The following CSMD1 variants were observed in gnomAD, a reference collection of about 807,000 sequenced individuals.
CSMD1 encodes CUB and sushi domain-containing protein 1.
In CSMD1, 213 loss-of-function variants were observed where a neutral mutation model predicts 417.5. The ratio of observed to expected loss-of-function variants is 0.51; its 90% CI spans 0.46 to 0.57. The LOEUF (loss-of-function observed/expected upper bound fraction) is 0.57. CSMD1 is among the 20% of genes least tolerant of loss of function. The pLI, the probability that CSMD1 is intolerant of heterozygous loss-of-function variation, is 0.00. For missense variants in CSMD1, 6,923 were observed against 4,529.7 expected (o/e 1.53, Z -15.17); for synonymous variants, 2,862 against 1,736.8 (o/e 1.65, Z -16.11).
chr8:4,931,755 G>C (rs117125163), intron 1 of CSMD1, among the ~76,000 whole-genome samples: 21 of 152,202 alleles, frequency 1.4e-4, no homozygotes, highest in Non-Finnish European at 2.2e-4. Context: ...GCAATTTGGA[G>C]AGAATGGCTA....
intron 21 of CSMD1, among the ~76,000 whole-genome samples, chr8:3,354,833 A>C (rs1235730617): frequency 2.0e-5 from 2 of 97,652 alleles, no homozygotes; most frequent in Non-Finnish European, 4.3e-5. Flanking sequence ...ATAGATACAT[A>C]TATAGATACA....
chr8:4,553,101 G>T (rs79350315), intron 2 of CSMD1, among the ~76,000 whole-genome samples: 1 of 152,158 alleles, frequency 6.6e-6, no homozygotes, highest in Non-Finnish European at 1.5e-5. Flanking sequence ...TTCTTTCAAA[G>T]ATAGTTTTCG....
intron 2 of CSMD1, among the ~76,000 whole-genome samples, chr8:4,448,272 A>G (rs1798934158): frequency 1.3e-5 from 2 of 152,200 alleles, no homozygotes; most frequent in Non-Finnish European, 2.9e-5. Flanking sequence ...GCATTTCCAA[A>G]TATAGTTATA....
chr8:4,092,024 G>C (rs1800748971), intron 3 of CSMD1, among the ~76,000 whole-genome samples: 2 of 152,092 alleles, frequency 1.3e-5, no homozygotes, highest in African/African-American at 2.4e-5. Context: ...ATATTACGTA[G>C]CACATATCAC....
intron 3 of CSMD1, among the ~76,000 whole-genome samples, chr8:4,238,275 A>G (rs1802185378): frequency 6.6e-6 from 1 of 152,174 alleles, no homozygotes; most frequent in Non-Finnish European, 1.5e-5. Context: ...TAGGGACTAG[A>G]GACATGAATG....
At chr8:3,081,866 T>C (rs1814126841) in intron 49 of CSMD1, among the ~76,000 whole-genome samples, 1 of 152,198 alleles carries the variant, frequency 6.6e-6, no homozygotes, top group African/African-American at 2.4e-5. Flanking sequence ...TTTTTAAAAC[T>C]CCATCTTTTC....
intron 3 of CSMD1, among the ~76,000 whole-genome samples, chr8:4,253,727 T>A (rs907817853): frequency 1.3e-5 from 2 of 151,242 alleles, no homozygotes; most frequent in Admixed American, 6.6e-5. Context: ...ACTACACACA[T>A]CAATTTTCTG....
chr8:4,751,299 C>T (rs989600984), intron 1 of CSMD1, among the ~76,000 whole-genome samples: 2 of 151,902 alleles, frequency 1.3e-5, no homozygotes, highest in African/African-American at 2.4e-5. Context: ...GCAGGAGAAT[C>T]GCTTGAACCC....
In CSMD1 at chr8:3,384,735, TATATAAA is replaced by T. The variant is rs1563333103; in HGVS notation, c.2782+2752_2782+2758del. Among the ~76,000 whole-genome samples the T allele has an allele frequency of 8.3e-4, 102 of 123,504 alleles. No individual in the cohort carries two copies. The South Asian group carries it at 0.013, about 16-fold the overall frequency. 81.0% of individuals were successfully genotyped at this position (123,504 alleles called of 152,430 possible). ...ATATATTTATAATATTTATATATAT[TATATAAA>T]TATATATTTATATAAATTATATAAA... On this transcript the variant is annotated intron_variant, in intron 18 of 69. Coordinates refer to ENST00000635120, the MANE Select transcript of CSMD1 (RefSeq NM_033225.6).
chr8:2,988,173 C>T (rs116103915), intron 54 of CSMD1, among the ~76,000 whole-genome samples: 259 of 152,138 alleles, frequency 1.7e-3, no homozygotes, highest in African/African-American at 6.0e-3. Context: ...TTTAGTACAA[C>T]TAAACCCATA....
At chr8:3,033,834 C>T (rs1334473047) in intron 50 of CSMD1, among the ~76,000 whole-genome samples, 3 of 152,162 alleles carry the variant, frequency 2.0e-5, no homozygotes, top group Admixed American at 6.5e-5. Flanking sequence ...TACCTTTACA[C>T]CTTGAATTCC....
At chr8:4,346,487 G>A (rs190858276) in intron 3 of CSMD1, among the ~76,000 whole-genome samples, 123 of 152,192 alleles carry the variant, frequency 8.1e-4, no homozygotes, top group Non-Finnish European at 1.3e-3. Context: ...TCCCTGCTCT[G>A]ATAGCCTCAT....
intron 1 of CSMD1, among the ~76,000 whole-genome samples, chr8:4,909,474 G>C (rs991010983): frequency 6.6e-6 from 1 of 152,106 alleles, no homozygotes; most frequent in Non-Finnish European, 1.5e-5. Flanking sequence ...ACCCTTCCCT[G>C]ATAACCTTCT....
chr8:3,809,377 A>G (rs2129076151), intron 5 of CSMD1, among the ~76,000 whole-genome samples: 1 of 152,318 alleles, frequency 6.6e-6, no homozygotes, highest in Admixed American at 6.5e-5. Flanking sequence ...TCTACTCACT[A>G]GGCTCTGTTT....
chr8:4,417,103 G>A (rs1000783635), intron 3 of CSMD1, among the ~76,000 whole-genome samples: 1 of 152,000 alleles, frequency 6.6e-6, no homozygotes, highest in Non-Finnish European at 1.5e-5. Flanking sequence ...CAGTTAAAAT[G>A]TGTTAATTTG....
At chr8:4,894,124 T>C (rs1217134769) in intron 1 of CSMD1, among the ~76,000 whole-genome samples, 2 of 152,082 alleles carry the variant, frequency 1.3e-5, no homozygotes, top group Non-Finnish European at 1.5e-5. Context: ...CTGTATCCCA[T>C]ACATTTGAAA....
intron 3 of CSMD1, among the ~76,000 whole-genome samples, chr8:4,157,754 G>C (rs1203892370): frequency 2.0e-5 from 3 of 152,194 alleles, no homozygotes; most frequent in African/African-American, 7.2e-5. Flanking sequence ...CAGGGCCAGG[G>C]CTGACCTGCC....
intron 8 of CSMD1, among the ~76,000 whole-genome samples, chr8:3,606,756 G>A (rs936148090): frequency 2.1e-4 from 31 of 150,844 alleles, no homozygotes; most frequent in African/African-American, 7.6e-4. Context: ...GGGTCCCCAG[G>A]CTGGGGTACA....
At chr8:4,534,889 A>T (rs1262372378) in intron 2 of CSMD1, among the ~76,000 whole-genome samples, 1 of 152,044 alleles carries the variant, frequency 6.6e-6, no homozygotes, top group Non-Finnish European at 1.5e-5. Context: ...CAGCCTCCCA[A>T]GTAGCTGGGA....
Sources: allele counts gnomAD v4.1 joint callset (sites outside exome capture counted in the v4.1 genomes callset), GRCh38; gene constraint gnomAD v4.1.1; transcripts MANE v1.5; gene names NCBI Gene and HGNC (gene_info 2026-07-23, HGNC 2026-07-21).